Variants in RALYL observed in about 807,000 individuals in gnomAD.
RALYL encodes the protein RALY RNA binding protein like.
RALYL carries 29 observed loss-of-function variants against 35.1 expected under a neutral mutation model. The observed-to-expected ratio is 0.83, with a 90% confidence interval of 0.61 to 1.13. The LOEUF (loss-of-function observed/expected upper bound fraction) is 1.13. RALYL is among the 50% of genes most tolerant of loss of function. RALYL has a pLI of 0.00. For missense variants in RALYL, 359 were observed against 360.4 expected, an observed-to-expected ratio of 1.00 and a Z score of 0.03; for synonymous variants, 120 against 127.6, an observed-to-expected ratio of 0.94 and a Z score of 0.40.
intron 1 of RALYL, among the ~76,000 whole-genome samples, chr8:84,223,814 T>C (rs1159395083): frequency 6.6e-6 from 1 of 152,158 alleles, no homozygotes; most frequent in Non-Finnish European, 1.5e-5. Context: ...AGTAAATGAA[T>C]GTGTGAAGAT....
chr8:84,777,536 A>T (rs1817118152), intron 3 of RALYL, among the ~76,000 whole-genome samples: 1 of 152,198 alleles, frequency 6.6e-6, no homozygotes, highest in African/African-American at 2.4e-5. Flanking sequence ...TGCATAAATG[A>T]GGTAAAAGCA....
chr8:84,600,984 A>G (rs1183426122), intron 2 of RALYL, among the ~76,000 whole-genome samples: 1 of 152,150 alleles, frequency 6.6e-6, no homozygotes, highest in African/African-American at 2.4e-5. Flanking sequence ...GTAAGTGCCT[A>G]TAATGTATAA....
At chr8:84,890,806 A>T (rs1438112215) in intron 8 of RALYL, among the ~76,000 whole-genome samples, 2 of 152,116 alleles carry the variant, frequency 1.3e-5, no homozygotes, top group Admixed American at 6.6e-5. Flanking sequence ...TAGTGCAAAA[A>T]AAAAACAATA....
chr8:84,596,503 G>T (rs910967368), intron 2 of RALYL, among the ~76,000 whole-genome samples: 1 of 151,988 alleles, frequency 6.6e-6, no homozygotes, highest in Non-Finnish European at 1.5e-5. Context: ...TTTTTCTTTT[G>T]TTAAGCTAAG....
intron 2 of RALYL, among the ~76,000 whole-genome samples, chr8:84,628,614 G>T (rs1372452985): frequency 1.3e-5 from 2 of 151,938 alleles, no homozygotes; most frequent in Non-Finnish European, 2.9e-5. Flanking sequence ...ACAGAAAATG[G>T]TAAGTAAAAT....
chr8:84,337,014 CTGTG>C (rs1442183362), intron 1 of RALYL, among the ~76,000 whole-genome samples: 1 of 150,016 alleles, frequency 6.7e-6, no homozygotes, highest in Non-Finnish European at 1.5e-5. Context: ...AATAACCTGT[CTGTG>C]TATCTATGTA....
At chr8:84,328,368 C>T (rs894976190) in intron 1 of RALYL, among the ~76,000 whole-genome samples, 3 of 152,150 alleles carry the variant, frequency 2.0e-5, no homozygotes, top group African/African-American at 4.8e-5. Context: ...ACACAATAAG[C>T]GTCATTCATT....
At chr8:84,849,927 A>C (rs945522263) in intron 4 of RALYL, 53 bp from the exon 5 acceptor site, 11 of 975,382 alleles carry the variant, frequency 1.1e-5, no homozygotes, top group Non-Finnish European at 1.6e-5. Context: ...GTTAATAATA[A>C]AATTAATGTC....
intron 1 of RALYL, among the ~76,000 whole-genome samples, chr8:84,407,010 CTCTCTCTCTATA>C (rs2043574581): frequency 7.0e-6 from 1 of 142,896 alleles, no homozygotes; most frequent in African/African-American, 2.8e-5. Flanking sequence ...CCCTCTCTCT[CTCTCTCTCTATA>C]TATATATATA....
chr8:84,207,407 G>A (rs1818307954), intron 1 of RALYL, among the ~76,000 whole-genome samples: 1 of 151,894 alleles, frequency 6.6e-6, no homozygotes, highest in African/African-American at 2.4e-5. Context: ...GGAAATCTTG[G>A]CATGTGAGAC....
At chr8:84,706,840 A>G (rs767387715) in intron 2 of RALYL, among the ~76,000 whole-genome samples, 16 of 152,044 alleles carry the variant, frequency 1.1e-4, no homozygotes, top group Non-Finnish European at 2.2e-4. Context: ...AGTAAGTTTA[A>G]CTCTTTATCA....
At chr8:84,729,669 C>T (rs1845740574) in intron 2 of RALYL, among the ~76,000 whole-genome samples, 1 of 151,994 alleles carries the variant, frequency 6.6e-6, no homozygotes, top group African/African-American at 2.4e-5. Context: ...AGAGAAGAAT[C>T]AAATAGACGC....
At chr8:84,776,055 G>T (rs1391784823) in intron 3 of RALYL, among the ~76,000 whole-genome samples, 1 of 152,254 alleles carries the variant, frequency 6.6e-6, no homozygotes, top group Non-Finnish European at 1.5e-5. Context: ...GTTGAGCAAG[G>T]CTTCCTTTTT....
intron 7 of RALYL, among the ~76,000 whole-genome samples, chr8:84,884,189 A>G (rs1257200740): frequency 6.6e-6 from 1 of 152,034 alleles, no homozygotes; most frequent in East Asian, 1.9e-4. Context: ...GAGTGTGACA[A>G]CGATCTTCTG....
rs371636213 is a variant in RALYL, at chr8:84,539,886, A to ATGTG, written c.256+10329_256+10332dup. Among the ~76,000 whole-genome samples the ATGTG allele has an allele frequency of 2.2e-4, 19 of 86,882 alleles. 1 individual carries two copies. Among genetic ancestry groups the ATGTG allele is most frequent in the African/African-American group, 7.9e-4 (17 of 21,610 alleles). The allele number at this position is 86,882 out of a possible 152,430, so 57.0% of individuals were successfully genotyped here. ...TATATATATATATATATGTATATAT[A>ATGTG]TGTGTGTGTGTGTGTGTGTGTGTAC... is the stretch of plus-strand genomic sequence containing the variant. On this transcript the variant is annotated intron_variant, in intron 2 of 8. Transcript: ENST00000521268.
chr8:84,375,103 C>T (rs955624840), intron 1 of RALYL, among the ~76,000 whole-genome samples: 1 of 151,814 alleles, frequency 6.6e-6, no homozygotes, highest in Non-Finnish European at 1.5e-5. Context: ...TTGATACAGA[C>T]ACATAATGTG....
intron 2 of RALYL, among the ~76,000 whole-genome samples, chr8:84,639,325 G>A (rs958570897): frequency 2.0e-5 from 3 of 151,792 alleles, no homozygotes; most frequent in East Asian, 3.9e-4. Context: ...AAGTGTAGGA[G>A]CCTGTGACTT....
intron 1 of RALYL, among the ~76,000 whole-genome samples, chr8:84,262,555 C>A (rs1290324283): frequency 2.0e-5 from 3 of 152,090 alleles, no homozygotes; most frequent in African/African-American, 7.2e-5. Flanking sequence ...AATACATTTA[C>A]ATATAATTTA....
intron 1 of RALYL, among the ~76,000 whole-genome samples, chr8:84,334,733 T>G (rs1586379737): frequency 6.6e-6 from 1 of 152,266 alleles, no homozygotes; most frequent in East Asian, 1.9e-4. Context: ...ATATCAATTC[T>G]CTTTATTTTA....
Sources: gnomAD v4.1 joint callset for allele counts (sites outside exome capture counted in the v4.1 genomes callset) on GRCh38, gnomAD v4.1.1 for gene constraint, MANE v1.5 for transcripts, NCBI Gene and HGNC (gene_info 2026-07-23, HGNC 2026-07-21) for gene names.